NTNG1: variants seen among roughly 807,000 people sequenced by gnomAD.
The protein encoded by NTNG1 is netrin G1.
NTNG1 carries 16 observed loss-of-function variants against 54.0 expected under a neutral mutation model. That is an observed-to-expected ratio of 0.30 (90% CI 0.20 to 0.45). NTNG1 has a LOEUF of 0.45. NTNG1 is among the 20% of genes least tolerant of loss of function. The probability of loss-of-function intolerance (pLI) is 1.00; values close to 1 mark genes in which losing one functional copy is unlikely to be tolerated. For synonymous variants in NTNG1, 255 were observed against 263.1 expected (o/e 0.97, Z 0.30); for missense variants, 530 against 678.7 (o/e 0.78, Z 2.43).
At chr1:107,146,181 A>G (rs1472320927) in intron 1 of NTNG1, among the ~76,000 whole-genome samples, 1 of 152,234 alleles carries the variant, frequency 6.6e-6, no homozygotes, top group South Asian at 2.1e-4. Context: ...AAAACAGTCA[A>G]TTCCGGGTCT....
chr1:107,420,905 A>G (rs1182231647), intron 5 of NTNG1, among the ~76,000 whole-genome samples: 2 of 152,040 alleles, frequency 1.3e-5, no homozygotes, highest in Non-Finnish European at 2.9e-5. Flanking sequence ...GACAATGTTG[A>G]ACCATTTTCA....
At chr1:107,170,954 C>A (rs1235383077) in intron 2 of NTNG1, among the ~76,000 whole-genome samples, 1 of 152,034 alleles carries the variant, frequency 6.6e-6, no homozygotes, top group South Asian at 2.1e-4. Context: ...ATACTTATAG[C>A]ATCGTACAAA....
At chr1:107,227,344 C>T (rs1209595805) in intron 2 of NTNG1, among the ~76,000 whole-genome samples, 1 of 152,120 alleles carries the variant, frequency 6.6e-6, no homozygotes, top group Non-Finnish European at 1.5e-5. Context: ...TCCTCTTTCA[C>T]TTTATACTTG....
chr1:107,451,902 T>A (rs1356780336), intron 7 of NTNG1, among the ~76,000 whole-genome samples: 1 of 152,054 alleles, frequency 6.6e-6, no homozygotes, highest in African/African-American at 2.4e-5. Context: ...CTGTCCAGAG[T>A]ACTTAGAGAA....
chr1:107,337,765 T>C (rs1375021303), intron 3 of NTNG1, among the ~76,000 whole-genome samples: 1 of 151,978 alleles, frequency 6.6e-6, no homozygotes, highest in African/African-American at 2.4e-5. Flanking sequence ...ACTTTTAATG[T>C]TATTCTTGGT....
At chr1:107,233,166 T>A (rs1570918464) in intron 2 of NTNG1, among the ~76,000 whole-genome samples, 1 of 152,230 alleles carries the variant, frequency 6.6e-6, no homozygotes. Flanking sequence ...ATAACAGCTT[T>A]CAATTTCAGG....
chr1:107,303,293 T>A (rs1392593542), intron 2 of NTNG1, among the ~76,000 whole-genome samples: 1 of 152,196 alleles, frequency 6.6e-6, no homozygotes, highest in Admixed American at 6.5e-5. Context: ...AAATCAATCC[T>A]TATATTGGTC....
At chr1:107,334,419 T>C (rs1392251584) in intron 3 of NTNG1, among the ~76,000 whole-genome samples, 4 of 151,778 alleles carry the variant, frequency 2.6e-5, no homozygotes, top group African/African-American at 9.7e-5. Flanking sequence ...TAATTATAGA[T>C]ACTCCAGTGC....
chr1:107,208,839 C>G (rs1027731651), intron 2 of NTNG1, among the ~76,000 whole-genome samples: 1 of 152,140 alleles, frequency 6.6e-6, no homozygotes, highest in Admixed American at 6.5e-5. Context: ...CCTTCAACCA[C>G]GCTCACAGCT....
At chr1:107,355,291 G>T (rs1669873940) in intron 3 of NTNG1, among the ~76,000 whole-genome samples, 3 of 146,508 alleles carry the variant, frequency 2.0e-5, no homozygotes. Flanking sequence ...TTTTTTAATT[G>T]ACATCATTCT....
chr1:107,468,694 T>C (rs909794670), intron 7 of NTNG1, among the ~76,000 whole-genome samples: 1 of 152,178 alleles, frequency 6.6e-6, no homozygotes, highest in Non-Finnish European at 1.5e-5. Flanking sequence ...CTCAATTAAA[T>C]AAAAAAAGTC....
chr1:107,161,982 A>G (rs1364814838), intron 2 of NTNG1, among the ~76,000 whole-genome samples: 1 of 151,770 alleles, frequency 6.6e-6, no homozygotes, highest in African/African-American at 2.4e-5. Context: ...ATTCAATGTT[A>G]TATTTGTAAA....
chr1:107,302,603 C>G (rs1484203013), intron 2 of NTNG1, among the ~76,000 whole-genome samples: 1 of 151,580 alleles, frequency 6.6e-6, no homozygotes, highest in African/African-American at 2.4e-5. Flanking sequence ...AAGTATTGCT[C>G]AGTAGTGAGT....
chr1:107,446,435 G>A (rs905871694), intron 7 of NTNG1, among the ~76,000 whole-genome samples: 8 of 152,048 alleles, frequency 5.3e-5, no homozygotes, highest in African/African-American at 1.4e-4. Context: ...GGAACAACCC[G>A]TCATCTTGAA....
At chr1:107,303,100 T>C (rs1024566423) in intron 2 of NTNG1, among the ~76,000 whole-genome samples, 1 of 152,238 alleles carries the variant, frequency 6.6e-6, no homozygotes, top group African/African-American at 2.4e-5. Context: ...TGTGATTTTA[T>C]ACTTTAATAT....
chr1:107,290,452 G>A (rs1289553332), intron 2 of NTNG1, among the ~76,000 whole-genome samples: 1 of 151,958 alleles, frequency 6.6e-6, no homozygotes, highest in Non-Finnish European at 1.5e-5. Flanking sequence ...CTGATTAGCT[G>A]TGTGACCTTG....
At chr1:107,317,997 G>A (rs533237371) in intron 2 of NTNG1, among the ~76,000 whole-genome samples, 4 of 152,274 alleles carry the variant, frequency 2.6e-5, no homozygotes, top group African/African-American at 4.8e-5. Context: ...AGATGCATAG[G>A]TGCTTTTGTC....
intron 2 of NTNG1, among the ~76,000 whole-genome samples, chr1:107,150,594 A>G (rs891217539): frequency 1.3e-5 from 2 of 152,126 alleles, no homozygotes; most frequent in African/African-American, 4.8e-5. Context: ...TAAAATAGCA[A>G]ATTTCCTTTC....
At chr1:107,480,329 TG>T (rs1043203625) in intron 7 of NTNG1, among the ~76,000 whole-genome samples, 38 of 152,206 alleles carry the variant, frequency 2.5e-4, no homozygotes, top group African/African-American at 9.2e-4. Flanking sequence ...CTAGGACTAT[TG>T]CATTACTTTG....
Sources: gnomAD v4.1 joint callset for allele counts (sites outside exome capture counted in the v4.1 genomes callset) on GRCh38, gnomAD v4.1.1 for gene constraint, MANE v1.5 for transcripts, NCBI Gene and HGNC (gene_info 2026-07-23, HGNC 2026-07-21) for gene names.